The following PRR12 variants were observed in gnomAD, a reference collection of about 807,000 sequenced individuals.
PRR12 encodes proline rich 12.
In PRR12, 12 loss-of-function variants were observed where a neutral mutation model predicts 138.0. The ratio of observed to expected loss-of-function variants is 0.09; its 90% confidence interval spans 0.06 to 0.14. The LOEUF is 0.14. PRR12 is among the 10% of genes least tolerant of loss of function. The pLI is 1.00. For missense variants in PRR12, 2,692 were observed against 2,861.3 expected, an observed-to-expected ratio of 0.94 and a Z score of 1.35; for synonymous variants, 1,567 against 1,291.7, an observed-to-expected ratio of 1.21 and a Z score of -4.57.
chr19:49,602,578 G>A (rs2080818172), intron 6 of PRR12, among the ~76,000 whole-genome samples: 1 of 152,124 alleles, frequency 6.6e-6, no homozygotes, highest in African/African-American at 2.4e-5. Flanking sequence ...TTTTGAGATG[G>A]AGTTTCGCTC....
Position 49,591,613 on chromosome 19 carries a change from T to TCCCCCCCCCTCCCC in PRR12, c.-39_-38insCCCCCCTCCCCCCC. On this transcript the variant is annotated 5_prime_UTR_variant, in exon 1 of 14. Transcript: ENST00000418929. ...AGCGCGCGCGCGCCCCCTCCCTCCCTCCCTCCCTCCCCCTCCCCCCAATTT... is the reference window on the plus strand; with the variant it reads ...AGCGCGCGCGCGCCCCCTCCCTCCCTCCCCCCCCCTCCCCCCCTCCCTCCCCCTCCCCCCAATTT... 1 of 108,010 alleles carries TCCCCCCCCCTCCCC rather than the reference T, an allele frequency of 9.3e-6. No individual in the cohort carries two copies. The highest frequency in any genetic ancestry group is 1.8e-5 in the Non-Finnish European group (1 of 55,310). The allele number at this position is 108,010 out of a possible 1,614,324, so 6.7% of individuals were successfully genotyped here.
rs186067561 is a variant in PRR12, at chr19:49,598,545, C to G, written c.3678+532C>G. On this transcript the variant is annotated intron_variant, in intron 4 of 13. Coordinates refer to ENST00000418929, the MANE Select transcript of PRR12 (RefSeq NM_020719.3). ...ATTGAAATTCTGAATCTAGGCTGGGCAGTGTGGTTCATGCCTGTAATCCCA... is the reference window on the plus strand; with the variant it reads ...ATTGAAATTCTGAATCTAGGCTGGGGAGTGTGGTTCATGCCTGTAATCCCA... Among the ~76,000 whole-genome samples, 32 of 152,240 alleles carry G rather than the reference C, an allele frequency of 2.1e-4. No individual in the cohort carries two copies. The East Asian group carries it at 4.6e-3, about 22-fold the overall frequency.
Position 49,594,536 on chromosome 19 carries a change from C to T in PRR12, c.282C>T (p.Ala94=), listed in dbSNP as rs779435987. The T allele has an allele frequency of 4.3e-6, 7 of 1,612,932 alleles. No individual in the cohort carries two copies. The highest frequency in any genetic ancestry group is 3.3e-5 in the Admixed American group (2 of 59,978). ...PDASVMNLIS[A]LESRGPQPGP... ...CCTCCGTCATGAACCTTATCTCGGC[C>T]CTGGAATCCCGGGGCCCCCAGCCTG... is the stretch of plus-strand genomic sequence containing the variant. Residue 94 remains alanine, a synonymous_variant, in exon 3 of 14, where the codon GCC becomes GCT. Transcript: ENST00000418929. This position sits in a 1 kb window ranked among gnomAD's most constrained non-coding sequence, Gnocchi z 5.6.
In PRR12 at chr19:49,599,562, GC is replaced by G; in HGVS notation, c.3973del (p.Gln1325SerfsTer46). 6.3e-7 allele frequency: 1 copy of G among 1,594,682 alleles called. No homozygotes were observed. Among genetic ancestry groups the G allele is most frequent in the Non-Finnish European group, 8.5e-7 (1 of 1,170,888 alleles). On this transcript the variant is annotated frameshift_variant, in exon 5 of 14. Transcript: ENST00000418929. LOFTEE classifies it high-confidence loss of function. The surrounding 1 kb of genome is among the most constrained non-coding windows in gnomAD (Gnocchi z 5.0). ...PPSVPARGLQ[P>X]QPPATPAVPH... The stretch of plus-strand genomic sequence containing the variant: ...CCTCTGTGCCAGCCCGAGGCCTGCA[GC>G]CCCAGCCCCCTGCCACCCCTGCTGT...
In PRR12 at chr19:49,595,868, C is replaced by T. The variant is rs766239966; in HGVS notation, c.1533C>T (p.Gly511=). 33 of 1,596,142 alleles carry T rather than the reference C, an allele frequency of 2.1e-5. No individual in the cohort carries two copies. The highest frequency in any genetic ancestry group is 5.4e-5 in the African/African-American group (4 of 74,484). ...AGGGGCAGCTGTATGGGGTGCAGGG[C>T]GAGCCATACCCAGGGCCAGCCGCCC... ...QLQGQLYGVQ[G]EPYPGPAAHS... is the part of the protein sequence containing the mutation. Residue 511 remains glycine (G), a synonymous_variant, in exon 4 of 14, where the codon GGC becomes GGT. Transcript: ENST00000418929.
At chr19:49,598,043 A>AGGG (rs1183435208) in intron 4 of PRR12, 30 bp downstream of exon 4, 3 of 1,281,880 alleles carry the variant, frequency 2.3e-6, no homozygotes, top group African/African-American at 3.2e-5. Context: ...TGTAGGGGAT[A>AGGG]GGGGAGGAGG....
chr19:49,620,455 C>T lies in PRR12; in HGVS notation c.5601C>T (p.Ile1867=), dbSNP rs756966297. The part of the protein sequence containing the change: ...LVSTALDPDM[I]QALEDTHDEL... ...GCACAGCACTTGACCCAGACATGAT[C>T]CAGGCCCTGGAGGACACGCATGGTG... The change falls in exon 10 of 14, where the codon ATC becomes ATT. Residue 1867 remains isoleucine (I), a synonymous_variant. Coordinates refer to ENST00000418929, the MANE Select transcript of PRR12 (RefSeq NM_020719.3). 1.9e-6 allele frequency: 3 copies of T among 1,574,542 alleles called. No homozygotes were observed. Among genetic ancestry groups the T allele is most frequent in the South Asian group, 1.2e-5 (1 of 86,084 alleles).
chr19:49,596,061 C>A lies in PRR12; in HGVS notation c.1726C>A (p.Arg576Ser). 1.9e-6 allele frequency: 3 copies of A among 1,601,656 alleles called. No homozygotes were observed. Among genetic ancestry groups the A allele is most frequent in the Non-Finnish European group, 2.5e-6 (3 of 1,179,746 alleles). Residue 576 changes from arginine (R) to serine (S), a missense_variant, in exon 4 of 14, where the codon CGT becomes AGT. Coordinates refer to ENST00000418929, the MANE Select transcript of PRR12 (RefSeq NM_020719.3). The surrounding 1 kb of genome is among the most constrained non-coding windows in gnomAD (Gnocchi z 5.6). Reference protein sequence around the residue: ...RPLQSPPATGRPPGVGSPGAP... With the variant: ...RPLQSPPATGSPPGVGSPGAP... The stretch of plus-strand genomic sequence containing the variant: ...GCTCCAGTCACCGCCTGCCACCGGC[C>A]GTCCACCTGGAGTCGGCTCTCCAGG...
In PRR12 at chr19:49,596,526, G is replaced by A. The variant is rs938378766; in HGVS notation, c.2191G>A (p.Gly731Arg). 1.9e-6 allele frequency: 3 copies of A among 1,609,150 alleles called. No individual in the cohort carries two copies. Among genetic ancestry groups the A allele is most frequent in the Non-Finnish European group, 2.5e-6 (3 of 1,178,480 alleles). The change falls in exon 4 of 14, where the codon GGG becomes AGG. Residue 731 changes from glycine to arginine, a missense_variant. Coordinates refer to ENST00000418929, the MANE Select transcript of PRR12 (RefSeq NM_020719.3). This position sits in a 1 kb window ranked among gnomAD's most constrained non-coding sequence, Gnocchi z 5.6. ...GGGGAGGCTGAAGGAGAAGAAGAAA[G>A]GGCCAGAGCGGGGTGGCGAGACCCC... Reference protein sequence around the residue: ...GLGRLKEKKKGPERGGETPEG... With the variant: ...GLGRLKEKKKRPERGGETPEG...
Position 49,597,254 on chromosome 19 carries a change from C to T in PRR12, c.2919C>T (p.Asp973=). The T allele has an allele frequency of 6.4e-7, 1 of 1,573,938 alleles. No homozygotes were observed. The highest frequency in any genetic ancestry group is 8.6e-7 in the Non-Finnish European group (1 of 1,160,432). ...GKAGPPEDEG[D]PKAGAGPPPG... The stretch of plus-strand genomic sequence containing the variant: ...CCGGGCCACCTGAGGACGAGGGGGA[C>T]CCCAAGGCTGGCGCTGGGCCACCCC... The change falls in exon 4 of 14, where the codon GAC becomes GAT. Residue 973 remains aspartate, a synonymous_variant. Coordinates refer to ENST00000418929, the MANE Select transcript of PRR12 (RefSeq NM_020719.3). This position sits in a 1 kb window ranked among gnomAD's most constrained non-coding sequence, Gnocchi z 6.3.
chr19:49,592,562 C>T (rs1599782279), intron 1 of PRR12, among the ~76,000 whole-genome samples: 1 of 152,096 alleles, frequency 6.6e-6, no homozygotes, highest in African/African-American at 2.4e-5. Flanking sequence ...ATCCCCAGCA[C>T]CTCCCCCCCA....
Position 49,595,958 on chromosome 19 carries a change from C to T in PRR12, c.1623C>T (p.Leu541=), listed in dbSNP as rs371675295. 1.9e-5 allele frequency: 31 copies of T among 1,600,598 alleles called. No homozygotes were observed. The highest frequency in any genetic ancestry group is 1.6e-4 in the Middle Eastern group (1 of 6,084). ...LSYSTGHSPA[L]SGHGGGWGPS... ...ACAGTACCGGCCATTCCCCAGCGCT[C>T]TCGGGCCATGGGGGTGGCTGGGGAC... Residue 541 remains leucine (L), a synonymous_variant, in exon 4 of 14, where the codon CTC becomes CTT. Coordinates refer to ENST00000418929, the MANE Select transcript of PRR12 (RefSeq NM_020719.3).
rs1568428847 is a variant in PRR12, at chr19:49,612,214, GCAAGACTCTGT to G, written c.4774-2317_4774-2307del. ...CACTGCACTCCAGCCTGGCGACAGA[GCAAGACTCTGT>G]CTCAAAAAAAAAAAAAAAAAAAGCT... On this transcript the variant is annotated intron_variant, in intron 6 of 13. Transcript: ENST00000418929. Among the ~76,000 whole-genome samples the G allele has an allele frequency of 5.6e-3, 802 of 143,678 alleles. 21 individuals carry two copies. The highest frequency in any genetic ancestry group is 0.041 in the Admixed American group (579 of 14,050). The allele number at this position is 143,678 out of a possible 152,430, so 94.3% of individuals were successfully genotyped here.
At position 49,601,702 on chromosome 19, in the gene PRR12, C is replaced by T. The variant is rs553970744; in HGVS notation, c.4557C>T (p.Ala1519=). 1.0e-4 allele frequency: 155 copies of T among 1,540,864 alleles called. No homozygotes were observed. The East Asian group carries it at 1.2e-3, about 12-fold the overall frequency. The change falls in exon 6 of 14, where the codon GCC becomes GCT. Residue 1519 remains alanine (A), a synonymous_variant. Coordinates refer to ENST00000418929, the MANE Select transcript of PRR12 (RefSeq NM_020719.3). ...CGCCTCCACCACCACCCCCACCAGC[C>T]GCTGCCCCACTGGCTGCTCCTCCTG... is the stretch of plus-strand genomic sequence containing the variant. ...MPSPPPPPPP[A]AAPLAAPPEE...
chr19:49,614,761 C>T lies in PRR12; in HGVS notation c.4890+112C>T, dbSNP rs905625618. The T allele has an allele frequency of 2.0e-6, 3 of 1,513,848 alleles. No homozygotes were observed. The highest frequency in any genetic ancestry group is 1.2e-5 in the South Asian group (1 of 83,452). 93.8% of individuals were successfully genotyped at this position (1,513,848 alleles called of 1,614,324 possible). On this transcript the variant is annotated intron_variant, in intron 7 of 13. Coordinates refer to ENST00000418929, the MANE Select transcript of PRR12 (RefSeq NM_020719.3). This position sits in a 1 kb window ranked among gnomAD's most constrained non-coding sequence, Gnocchi z 5.0. ...ACTCCACAGTGTATCTGGAAGGGGG[C>T]CCCCTGCTGCCGGCAGGCTCCAAGC...
rs1394989099 is a variant in PRR12 at position 49,624,861 on chromosome 19, C to T, written c.5739C>T (p.Phe1913=). The T allele has an allele frequency of 2.5e-6, 4 of 1,611,560 alleles. No homozygotes were observed. The highest frequency in any genetic ancestry group is 1.1e-5 in the South Asian group (1 of 90,902). ...TCCCGCAGGATGCTCTGCACACGTT[C>T]CCACAGCTGCAAGTGGAGCAGAGTG... The part of the protein sequence containing the change: ...SPALQDALHT[F]PQLQVEQSGE... Residue 1913 remains phenylalanine (F), a synonymous_variant, in exon 12 of 14, where the codon TTC becomes TTT. Transcript: ENST00000418929.
At position 49,601,487 on chromosome 19, in the gene PRR12, C is replaced by T; in HGVS notation, c.4346-4C>T. On this transcript the variant is annotated splice_region_variant and splice_polypyrimidine_tract_variant and intron_variant, in intron 5 of 13. Transcript: ENST00000418929. ...TCCAGGCCTGATGTCCCTGTCTCCC[C>T]CAGAGCCCCCGCTGCTGGAGGAGAA... 1 of 1,476,264 alleles carries T rather than the reference C, an allele frequency of 6.8e-7. No homozygotes were observed. Among genetic ancestry groups the T allele is most frequent in the East Asian group, 2.5e-5 (1 of 40,276 alleles). 91.4% of individuals were successfully genotyped at this position (1,476,264 alleles called of 1,614,324 possible). A position where few individuals can be genotyped will look rare whatever the true frequency, so the allele number is the denominator to read the frequency against.
Position 49,595,800 on chromosome 19 carries a change from C to T in PRR12, c.1465C>T (p.Pro489Ser), listed in dbSNP as rs2080763816. Reference sequence around the variant, plus strand: ...ACAGCCCCCCAGCGGCCCCCCTCCTCCTGGCCTGGCCACATGTCAGAGCTA... The same window carrying T: ...ACAGCCCCCCAGCGGCCCCCCTCCTTCTGGCCTGGCCACATGTCAGAGCTA... Reference protein sequence around the residue: ...PPQPPSGPPPPGLATCQSYSP... With the variant: ...PPQPPSGPPPSGLATCQSYSP... Residue 489 changes from proline to serine, a missense_variant, in exon 4 of 14, where the codon CCT (proline) becomes TCT (serine). Transcript: ENST00000418929. 1 of 1,598,134 alleles carries T rather than the reference C, an allele frequency of 6.3e-7. No individual in the cohort carries two copies. The highest frequency in any genetic ancestry group is 8.5e-7 in the Non-Finnish European group (1 of 1,174,842).
rs1478721095 is a variant in PRR12 at position 49,597,910 on chromosome 19, C to T, written c.3575C>T (p.Thr1192Met). ...ACTGCGGGGCCCGCCTCGGCCTCCACGCCCACCGATGGCGCCAAGAAACCC... is the reference window on the plus strand; with the variant it reads ...ACTGCGGGGCCCGCCTCGGCCTCCATGCCCACCGATGGCGCCAAGAAACCC... ...PTTAGPASASTPTDGAKKPRG... is the reference protein window; with the variant it reads ...PTTAGPASASMPTDGAKKPRG... Residue 1192 changes from threonine (T) to methionine (M), a missense_variant, in exon 4 of 14, where the codon ACG becomes ATG. This residue lies in a region of PRR12 where 326 missense variants were observed against 344.2 expected (regional missense o/e 0.95). Transcript: ENST00000418929. The surrounding 1 kb of genome is among the most constrained non-coding windows in gnomAD (Gnocchi z 6.3). 2 of 1,408,502 alleles carry T rather than the reference C, an allele frequency of 1.4e-6. No individual in the cohort carries two copies. The highest frequency in any genetic ancestry group is 2.8e-5 in the East Asian group (1 of 35,802). 87.3% of individuals were successfully genotyped at this position (1,408,502 alleles called of 1,614,324 possible). A position where few individuals can be genotyped will look rare whatever the true frequency, so the allele number is the denominator to read the frequency against.
Sources: gnomAD v4.1 joint callset for allele counts (sites outside exome capture counted in the v4.1 genomes callset) on GRCh38, gnomAD v4.1.1 for gene constraint, gnomAD v4.1.1 regional missense constraint, Gnocchi (gnomAD v3.1) non-coding constraint, MANE v1.5 for transcripts, NCBI Gene and HGNC (gene_info 2026-07-23, HGNC 2026-07-21) for gene names.